Variants in PAPPA observed in about 807,000 individuals in gnomAD.
The protein encoded by PAPPA is pappalysin-1.
Under a neutral mutation model 164.0 loss-of-function variants are expected in PAPPA, and 60 were observed. The observed-to-expected ratio is 0.37, with a 90% CI of 0.30 to 0.45. PAPPA has a LOEUF of 0.45. Among genes scored for constraint, PAPPA ranks in the 20% least tolerant of loss-of-function variants. PAPPA has a pLI of 1.00. For missense variants in PAPPA, 1,782 were observed against 2,087.3 expected, an observed-to-expected ratio of 0.85 and a Z score of 2.85; for synonymous variants, 875 against 814.1, an observed-to-expected ratio of 1.07 and a Z score of -1.27.
At chr9:116,204,801 C>T (rs958509070) in intron 2 of PAPPA, among the ~76,000 whole-genome samples, 5 of 152,178 alleles carry the variant, frequency 3.3e-5, no homozygotes, top group African/African-American at 9.7e-5. Context: ...AGTCACATGG[C>T]CATTTTCCTT....
intron 4 of PAPPA, among the ~76,000 whole-genome samples, chr9:116,212,317 A>AT (rs201792409): frequency 1.0e-4 from 15 of 150,598 alleles, no homozygotes; most frequent in Admixed American, 4.6e-4. Context: ...ATTGAGTATG[A>AT]TTTTTTTTTT....
At chr9:116,191,496 C>T (rs879511049) in intron 2 of PAPPA, among the ~76,000 whole-genome samples, 3 of 152,316 alleles carry the variant, frequency 2.0e-5, no homozygotes, top group Admixed American at 2.0e-4. Flanking sequence ...GTCTATCCCA[C>T]CAGCCTTTCT....
intron 1 of PAPPA, among the ~76,000 whole-genome samples, chr9:116,183,265 AATGACATAAGGC>A (rs1442735723): frequency 9.2e-5 from 14 of 152,192 alleles, no homozygotes; most frequent in Non-Finnish European, 4.4e-5. Flanking sequence ...AAGAGTTGCG[AATGACATAAGGC>A]ATCTAATTCC....
intron 17 of PAPPA, among the ~76,000 whole-genome samples, chr9:116,362,032 G>A (rs1424218690): frequency 6.6e-6 from 1 of 152,066 alleles, no homozygotes; most frequent in African/African-American, 2.4e-5. Flanking sequence ...GAATGAAATG[G>A]AATAGAATGG....
chr9:116,387,268 G>C (rs537747897), intron 21 of PAPPA, among the ~76,000 whole-genome samples: 1 of 152,330 alleles, frequency 6.6e-6, no homozygotes, highest in African/African-American at 2.4e-5. Context: ...CAAGGTGATA[G>C]AGCTATGTTT....
Position 116,235,226 on chromosome 9 carries a change from C to G in PAPPA, c.2321C>G (p.Ala774Gly), listed in dbSNP as rs1248728363. 1.2e-6 allele frequency: 2 copies of G among 1,614,058 alleles called. No homozygotes were observed. Among genetic ancestry groups the G allele is most frequent in the Non-Finnish European group, 1.7e-6 (2 of 1,180,032 alleles). The change falls in exon 7 of 22, where the codon GCC (alanine) becomes GGC (glycine). Residue 774 changes from alanine to glycine, a missense_variant. Ala to Gly is a moderately conservative substitution (Grantham distance 60). Coordinates refer to ENST00000328252, the MANE Select transcript of PAPPA (RefSeq NM_002581.5). ...GTCAACCCACACACGGTTCCTCCAG[C>G]CTGCCCTGAGCCTCAAGGCTGCTAC... The part of the protein sequence containing the change: ...SAVNPHTVPP[A>G]CPEPQGCYLE...
chr9:116,258,595 G>C (rs987459101), intron 7 of PAPPA, among the ~76,000 whole-genome samples: 1 of 152,076 alleles, frequency 6.6e-6, no homozygotes, highest in Non-Finnish European at 1.5e-5. Context: ...GGCGGAGGTT[G>C]AGGTGAGCCG....
intron 1 of PAPPA, among the ~76,000 whole-genome samples, chr9:116,170,323 T>G (rs143314993): frequency 6.6e-6 from 1 of 152,326 alleles, no homozygotes; most frequent in East Asian, 1.9e-4. Flanking sequence ...CTTGTTGGAG[T>G]AAATAGAATT....
Position 116,271,732 on chromosome 9 carries a change from T to C in PAPPA, c.2953+316T>C, listed in dbSNP as rs940757934. Among the ~76,000 whole-genome samples the C allele has an allele frequency of 6.6e-6, 1 of 152,094 alleles. No individual in the cohort carries two copies. Among genetic ancestry groups the C allele is most frequent in the African/African-American group, 2.4e-5 (1 of 41,438 alleles). ...CTTCACACTAACTGTCCAGGATGGG[T>C]ATTACTGGAGATGTTTTAAGGCTTT... On this transcript the variant is annotated intron_variant, in intron 9 of 21. Transcript: ENST00000328252. This position sits in a 1 kb window ranked among gnomAD's most constrained non-coding sequence, Gnocchi z 4.2.
chr9:116,266,022 G>GCCAC, intron 8 of PAPPA, 37 bp downstream of exon 8: 1 of 1,466,028 alleles, frequency 6.8e-7, no homozygotes, highest in Non-Finnish European at 9.5e-7. Flanking sequence ...GAGGAGGGAT[G>GCCAC]CTGGTTAGGT....
At chr9:116,326,192 G>C (rs1049397774) in intron 10 of PAPPA, among the ~76,000 whole-genome samples, 34 of 152,110 alleles carry the variant, frequency 2.2e-4, no homozygotes, top group Non-Finnish European at 4.9e-4. Flanking sequence ...CTAAGTGAGG[G>C]TGCTTGTCAG....
At position 116,271,455 on chromosome 9, in the gene PAPPA, T is replaced by C. The variant is rs375689557; in HGVS notation, c.2953+39T>C. 2.2e-6 allele frequency: 3 copies of C among 1,390,134 alleles called. No individual in the cohort carries two copies. Among genetic ancestry groups the C allele is most frequent in the African/African-American group, 1.4e-5 (1 of 70,776 alleles). 86.1% of individuals were successfully genotyped at this position (1,390,134 alleles called of 1,614,324 possible). A position where few individuals can be genotyped will look rare whatever the true frequency, so the allele number is the denominator to read the frequency against. On this transcript the variant is annotated intron_variant, in intron 9 of 21. Transcript: ENST00000328252. The surrounding 1 kb of genome is among the most constrained non-coding windows in gnomAD (Gnocchi z 4.2). ...ATTTCTTGTGGCCTTCATGAAGAAATGAACGGTGCAGAATGGTTGGTCAAT... is the reference window on the plus strand; with the variant it reads ...ATTTCTTGTGGCCTTCATGAAGAAACGAACGGTGCAGAATGGTTGGTCAAT...
At chr9:116,343,850 TC>T (rs1236901852) in intron 13 of PAPPA, among the ~76,000 whole-genome samples, 2 of 152,024 alleles carry the variant, frequency 1.3e-5, no homozygotes, top group African/African-American at 2.4e-5. Context: ...AACCTCCACC[TC>T]CCAGGTTCAA....
chr9:116,237,298 A>G (rs889178365), intron 7 of PAPPA, among the ~76,000 whole-genome samples: 1 of 152,232 alleles, frequency 6.6e-6, no homozygotes, highest in African/African-American at 2.4e-5. Context: ...TTGAGAATGT[A>G]CTTAAAATTT....
Position 116,187,665 on chromosome 9 carries a change from AT to A in PAPPA, c.929del (p.Phe310SerfsTer61), listed in dbSNP as rs1215008428. ...MKDGSSPKVE[F>X]SNAHGFLLDT... ...AGGATGGCAGCAGCCCCAAAGTGGA[AT>A]TCAGCAATGCCCACGGCTTTCTGCT... On this transcript the variant is annotated frameshift_variant, in exon 2 of 22. Transcript: ENST00000328252. LOFTEE classifies it high-confidence loss of function. This position sits in a 1 kb window ranked among gnomAD's most constrained non-coding sequence, Gnocchi z 4.2. 1 of 1,614,248 alleles carries A rather than the reference AT, an allele frequency of 6.2e-7. No homozygotes were observed. The highest frequency in any genetic ancestry group is 8.5e-7 in the Non-Finnish European group (1 of 1,180,046).
At chr9:116,170,763 G>T (rs540596003) in intron 1 of PAPPA, among the ~76,000 whole-genome samples, 4 of 150,980 alleles carry the variant, frequency 2.6e-5, no homozygotes, top group Non-Finnish European at 5.9e-5. Flanking sequence ...CCATTCATCT[G>T]TCCATCCATC....
chr9:116,248,043 G>T (rs2118772969), intron 7 of PAPPA, among the ~76,000 whole-genome samples: 1 of 152,282 alleles, frequency 6.6e-6, no homozygotes, highest in South Asian at 2.1e-4. Context: ...TCTTTCTATT[G>T]TTTGATTTTT....
At chr9:116,367,811 T>C in intron 19 of PAPPA, 57 bp downstream of exon 19, 1 of 1,151,640 alleles carries the variant, frequency 8.7e-7, no homozygotes, top group Non-Finnish European at 1.3e-6. Flanking sequence ...AATGATATTG[T>C]TGAGCACTTG....
At chr9:116,287,353 C>T (rs553659792) in intron 9 of PAPPA, 2 of 152,100 alleles carry the variant, frequency 1.3e-5, no homozygotes, top group African/African-American at 4.8e-5. Context: ...GGTTTCCAGG[C>T]AGGTTTTTGA....
Sources: gnomAD v4.1 joint callset for allele counts (sites outside exome capture counted in the v4.1 genomes callset) on GRCh38, gnomAD v4.1.1 for gene constraint, Gnocchi (gnomAD v3.1) non-coding constraint, MANE v1.5 for transcripts, NCBI Gene and HGNC (gene_info 2026-07-23, HGNC 2026-07-21) for gene names.